The following DLG2 variants were observed in gnomAD, a reference collection of about 807,000 sequenced individuals.
DLG2 encodes disks large homolog 2.
Under a neutral mutation model 132.5 loss-of-function variants are expected in DLG2, and 45 were observed. That is an observed-to-expected ratio of 0.34 (90% confidence interval 0.27 to 0.44). The LOEUF is 0.44. Ranked by LOEUF, DLG2 falls within the 20% of genes least tolerant of loss-of-function variation. The pLI is 1.00. For synonymous variants in DLG2, 424 were observed against 419.6 expected, an observed-to-expected ratio of 1.01 and a Z score of -0.13; for missense variants, 1,045 against 1,196.9, an observed-to-expected ratio of 0.87 and a Z score of 1.87.
intron 8 of DLG2, among the ~76,000 whole-genome samples, chr11:84,223,972 G>A (rs1597813297): frequency 6.6e-6 from 1 of 152,304 alleles, no homozygotes; most frequent in East Asian, 1.9e-4. Context: ...CTTTAATGGA[G>A]GCCTGCCTTT....
At chr11:83,790,682 G>T in intron 17 of DLG2, 2 of 873,658 alleles carry the variant, frequency 2.3e-6, no homozygotes, top group South Asian at 1.3e-5. Flanking sequence ...CCACTCTGGG[G>T]CTCTGCAACA....
At position 83,554,019 on chromosome 11, in the gene DLG2, G is replaced by C. The variant is rs143516369; in HGVS notation, c.1941-12161C>G. Among the ~76,000 whole-genome samples the C allele has an allele frequency of 4.6e-3, 699 of 151,316 alleles. 6 individuals carry two copies. The highest frequency in any genetic ancestry group is 0.016 in the African/African-American group (654 of 41,202). Reference sequence around the variant, plus strand: ...CAAGGGATCTTTGCCTTAGCTTCCTGAGTAGCTGAGTAGTAACCATGTCGG... The same window carrying C: ...CAAGGGATCTTTGCCTTAGCTTCCTCAGTAGCTGAGTAGTAACCATGTCGG... On this transcript the variant is annotated intron_variant, in intron 19 of 27. Coordinates refer to ENST00000376104, the MANE Select transcript of DLG2 (RefSeq NM_001142699.3).
In DLG2 at chr11:84,266,078, C is replaced by T. The variant is rs542861401; in HGVS notation, c.520-14787G>A. The stretch of plus-strand genomic sequence containing the variant: ...TAAGCTTTACTCTATTGTACAATAA[C>T]TATATCAGTGCTAATACTCCATTTT... On this transcript the variant is annotated intron_variant, in intron 7 of 27. Transcript: ENST00000376104. 5.5e-4 allele frequency among the ~76,000 whole-genome samples: 84 copies of T among 152,166 alleles called. 1 individual carries two copies. In the South Asian group the frequency reaches 0.015, roughly 27 times the overall value.
Position 85,014,592 on chromosome 11 carries a change from AT to A in DLG2, c.357+97068del, listed in dbSNP as rs540466009. 6.2e-4 allele frequency among the ~76,000 whole-genome samples: 94 copies of A among 152,188 alleles called. 1 individual carries two copies. The South Asian group carries it at 0.019, about 31-fold the overall frequency. On this transcript the variant is annotated intron_variant, in intron 6 of 27. Transcript: ENST00000376104. ...TGGCTCTGCCCATGGTAAGGTAGCT[AT>A]TTCTACCCAGCAAGTAAAAGTACAG...
chr11:83,712,485 C>T (rs2153665354), intron 18 of DLG2, among the ~76,000 whole-genome samples: 1 of 152,056 alleles, frequency 6.6e-6, no homozygotes, highest in East Asian at 1.9e-4. Flanking sequence ...AAAAAATTAG[C>T]CCGGTGTGGT....
intron 19 of DLG2, among the ~76,000 whole-genome samples, chr11:83,617,219 G>A (rs1012950569): frequency 6.6e-6 from 1 of 152,196 alleles, no homozygotes; most frequent in Non-Finnish European, 1.5e-5. Flanking sequence ...GATAGGAATT[G>A]CAGTGAATCA....
intron 11 of DLG2, among the ~76,000 whole-genome samples, chr11:83,987,097 GC>G (rs1261269916): frequency 6.6e-6 from 1 of 151,968 alleles, no homozygotes; most frequent in Non-Finnish European, 1.5e-5. Flanking sequence ...GGCTTTTGTT[GC>G]CATTGTTTTT....
intron 18 of DLG2, among the ~76,000 whole-genome samples, chr11:83,638,025 T>C (rs2065307253): frequency 6.6e-6 from 1 of 152,194 alleles, no homozygotes. Context: ...GTAAATGCTT[T>C]TTAAATTACA....
chr11:85,176,421 T>C (rs183362380), intron 4 of DLG2, among the ~76,000 whole-genome samples: 141 of 152,178 alleles, frequency 9.3e-4, no homozygotes, highest in African/African-American at 3.2e-3. Flanking sequence ...ATGTGAAAAA[T>C]TGAAACTGGA....
intron 2 of DLG2, among the ~76,000 whole-genome samples, chr11:85,599,250 T>G (rs2079985890): frequency 6.6e-6 from 1 of 152,060 alleles, no homozygotes; most frequent in South Asian, 2.1e-4. Flanking sequence ...TACTCACTTT[T>G]CCCTTCCATT....
At position 84,161,200 on chromosome 11, in the gene DLG2, A is replaced by T. The variant is rs181541003; in HGVS notation, c.624+2261T>A. ...TGGGGTTTTGCTGGATGAGCACAAA[A>T]AGCTAGAGAAGAGAAAAAAAAGTGC... On this transcript the variant is annotated intron_variant, in intron 9 of 27. Coordinates refer to ENST00000376104, the MANE Select transcript of DLG2 (RefSeq NM_001142699.3). Among the ~76,000 whole-genome samples, 541 of 152,242 alleles carry T rather than the reference A, an allele frequency of 3.6e-3. 4 individuals are homozygous for T. Among genetic ancestry groups the T allele is most frequent in the African/African-American group, 0.013 (528 of 41,554 alleles).
At chr11:83,823,139 C>T (rs2051333994) in intron 17 of DLG2, among the ~76,000 whole-genome samples, 1 of 151,800 alleles carries the variant, frequency 6.6e-6, no homozygotes, top group South Asian at 2.1e-4. Context: ...TATTCTGAGG[C>T]CCAAACAAAT....
chr11:84,596,379 CTTTTT>C (rs1211350827), intron 6 of DLG2, among the ~76,000 whole-genome samples: 2 of 121,744 alleles, frequency 1.6e-5, no homozygotes, highest in African/African-American at 2.9e-5. Context: ...AGATAATTTT[CTTTTT>C]TTTTTTTTTT....
At chr11:83,875,020 T>C (rs1445511207) in intron 15 of DLG2, among the ~76,000 whole-genome samples, 1 of 152,144 alleles carries the variant, frequency 6.6e-6, no homozygotes, top group African/African-American at 2.4e-5. Context: ...CAGAATAATT[T>C]TTTCTAACAA....
intron 6 of DLG2, among the ~76,000 whole-genome samples, chr11:84,962,146 C>T (rs893842354): frequency 2.6e-5 from 4 of 152,258 alleles, no homozygotes; most frequent in Non-Finnish European, 5.9e-5. Context: ...TTACAATCAT[C>T]CTCTCACACA....
chr11:84,465,594 A>G (rs10898239), intron 7 of DLG2, among the ~76,000 whole-genome samples: 42,844 of 151,088 alleles, frequency 0.28, 6,241 homozygotes, highest in South Asian at 0.41. Flanking sequence ...TCTCGCTTCT[A>G]TAAAGGGTTA....
At chr11:84,886,371 T>C (rs953252663) in intron 6 of DLG2, among the ~76,000 whole-genome samples, 5 of 152,142 alleles carry the variant, frequency 3.3e-5, no homozygotes, top group Non-Finnish European at 5.9e-5. Flanking sequence ...CTGTTACTCA[T>C]TGTCTACCAA....
intron 3 of DLG2, among the ~76,000 whole-genome samples, chr11:85,343,261 T>C (rs563152302): frequency 1.3e-5 from 2 of 152,286 alleles, no homozygotes; most frequent in South Asian, 2.1e-4. Context: ...GAGACAGCCT[T>C]GCTGAAGGGA....
chr11:84,249,372 G>C (rs947270791), intron 8 of DLG2, among the ~76,000 whole-genome samples: 3 of 152,150 alleles, frequency 2.0e-5, no homozygotes, highest in Non-Finnish European at 2.9e-5. Context: ...TTCCCAAGCT[G>C]ACAGGCAGAA....
Sources: allele counts gnomAD v4.1 joint callset (sites outside exome capture counted in the v4.1 genomes callset), GRCh38; gene constraint gnomAD v4.1.1; transcripts MANE v1.5; gene names NCBI Gene and HGNC (gene_info 2026-07-23, HGNC 2026-07-21).